KCNMA1: variants seen among roughly 807,000 people sequenced by gnomAD.
The protein encoded by KCNMA1 is Calcium-activated potassium channel subunit alpha-1.
In KCNMA1, 29 loss-of-function variants were observed where a neutral mutation model predicts 140.0. The observed-to-expected ratio is 0.21, with a 90% CI of 0.15 to 0.28. KCNMA1 has a LOEUF of 0.28. Among genes scored for constraint, KCNMA1 ranks in the 10% least tolerant of loss-of-function variants. The probability of loss-of-function intolerance (pLI) is 1.00; values close to 1 mark genes in which losing one functional copy is unlikely to be tolerated. For synonymous variants in KCNMA1, 612 were observed against 611.9 expected (o/e 1.00, Z 0.00); for missense variants, 880 against 1,602.2 (o/e 0.55, Z 7.70).
At chr10:77,216,213 C>T (rs1015038307) in intron 3 of KCNMA1, among the ~76,000 whole-genome samples, 1 of 151,992 alleles carries the variant, frequency 6.6e-6, no homozygotes, top group African/African-American at 2.4e-5. Flanking sequence ...GAATGATTGC[C>T]AATTGATATA....
intron 2 of KCNMA1, among the ~76,000 whole-genome samples, chr10:77,273,079 A>T (rs2065624441): frequency 6.6e-6 from 1 of 152,208 alleles, no homozygotes. Context: ...CTTTTCTCTG[A>T]TTTCAAAACC....
intron 22 of KCNMA1, among the ~76,000 whole-genome samples, chr10:76,948,161 C>A (rs2064911393): frequency 6.6e-6 from 1 of 151,990 alleles, no homozygotes; most frequent in African/African-American, 2.4e-5. Flanking sequence ...CACGCCACCA[C>A]ATCAGGCTAA....
intron 5 of KCNMA1, among the ~76,000 whole-genome samples, chr10:77,153,963 T>C (rs548383512): frequency 4.7e-4 from 72 of 152,292 alleles, no homozygotes; most frequent in African/African-American, 1.6e-3. Flanking sequence ...ACAGGTGATA[T>C]AGTTAGGCTC....
chr10:77,585,534 C>T (rs1320697268), intron 1 of KCNMA1, among the ~76,000 whole-genome samples: 1 of 152,148 alleles, frequency 6.6e-6, no homozygotes, highest in Non-Finnish European at 1.5e-5. Flanking sequence ...CATGGCAGGC[C>T]CTCAAGAAAT....
intron 1 of KCNMA1, among the ~76,000 whole-genome samples, chr10:77,500,203 T>C (rs562714668): frequency 7.9e-5 from 12 of 151,098 alleles, no homozygotes; most frequent in Non-Finnish European, 1.8e-4. Flanking sequence ...ATATTAGTTA[T>C]TACAATCAAA....
At chr10:77,456,276 A>C (rs2097761390) in intron 1 of KCNMA1, among the ~76,000 whole-genome samples, 1 of 152,162 alleles carries the variant, frequency 6.6e-6, no homozygotes, top group Non-Finnish European at 1.5e-5. Flanking sequence ...CCCATGTGGC[A>C]TACTTTCTCT....
intron 10 of KCNMA1, among the ~76,000 whole-genome samples, chr10:77,087,391 T>A (rs763527922): frequency 5.9e-5 from 9 of 152,194 alleles, no homozygotes; most frequent in Non-Finnish European, 1.2e-4. Flanking sequence ...TATATTGATA[T>A]ATATATTTCC....
intron 1 of KCNMA1, among the ~76,000 whole-genome samples, chr10:77,557,428 C>A (rs1003193992): frequency 1.3e-5 from 2 of 152,180 alleles, no homozygotes; most frequent in African/African-American, 4.8e-5. Flanking sequence ...AATATTTGCC[C>A]AACTGGGTTT....
intron 2 of KCNMA1, among the ~76,000 whole-genome samples, chr10:77,281,722 C>A (rs904330680): frequency 6.6e-6 from 1 of 152,218 alleles, no homozygotes; most frequent in Admixed American, 6.5e-5. Flanking sequence ...GAATGAACTA[C>A]TGATACCTGC....
Position 76,944,467 on chromosome 10 carries a change from C to T in KCNMA1, c.2902+306G>A, listed in dbSNP as rs549947459. Among the ~76,000 whole-genome samples, 19 of 152,292 alleles carry T rather than the reference C, an allele frequency of 1.2e-4. No individual in the cohort carries two copies. In the South Asian group the frequency reaches 3.9e-3, roughly 32 times the overall value. Reference sequence around the variant, plus strand: ...AGCCAGCTTCTTTTCAGTGCTCTGACATTTAGCTGATGACACTGGTCATGA... The same window carrying T: ...AGCCAGCTTCTTTTCAGTGCTCTGATATTTAGCTGATGACACTGGTCATGA... On this transcript the variant is annotated intron_variant, in intron 23 of 27. Coordinates refer to ENST00000286628, the MANE Select transcript of KCNMA1 (RefSeq NM_001161352.2).
intron 3 of KCNMA1, among the ~76,000 whole-genome samples, chr10:77,226,719 C>T (rs1351058360): frequency 6.6e-6 from 1 of 152,268 alleles, no homozygotes; most frequent in Non-Finnish European, 1.5e-5. Flanking sequence ...CTTTCCTTTG[C>T]CCAGCCCAGG....
chr10:77,303,537 T>C (rs2077003041), intron 2 of KCNMA1, among the ~76,000 whole-genome samples: 1 of 152,188 alleles, frequency 6.6e-6, no homozygotes. Context: ...GAAGAATGTT[T>C]CAGTAAATTT....
chr10:77,538,903 T>G lies in KCNMA1; in HGVS notation c.378+98362A>C, dbSNP rs77363945. ...GGAGTGGTTAGCACAGGGCTCAGCATGAAGGCTCTGCATAGTAACAGCTGC... is the reference window on the plus strand; with the variant it reads ...GGAGTGGTTAGCACAGGGCTCAGCAGGAAGGCTCTGCATAGTAACAGCTGC... On this transcript the variant is annotated intron_variant, in intron 1 of 27. Coordinates refer to ENST00000286628, the MANE Select transcript of KCNMA1 (RefSeq NM_001161352.2). Among the ~76,000 whole-genome samples, 836 of 152,318 alleles carry G rather than the reference T, an allele frequency of 5.5e-3. 7 individuals carry two copies. The highest frequency in any genetic ancestry group is 0.019 in the African/African-American group (788 of 41,576).
chr10:76,977,093 C>T (rs74934029), intron 19 of KCNMA1, among the ~76,000 whole-genome samples: 3 of 152,132 alleles, frequency 2.0e-5, no homozygotes, highest in African/African-American at 7.2e-5. Context: ...CTACTCCTGA[C>T]ACCAAAAGCC....
intron 25 of KCNMA1, among the ~76,000 whole-genome samples, chr10:76,908,885 C>T (rs2048886921): frequency 6.6e-6 from 1 of 152,238 alleles, no homozygotes; most frequent in Non-Finnish European, 1.5e-5. Flanking sequence ...CAGGTTATGA[C>T]TCATTCTAAA....
At chr10:77,167,741 T>A (rs1017174406) in intron 5 of KCNMA1, among the ~76,000 whole-genome samples, 1 of 151,598 alleles carries the variant, frequency 6.6e-6, no homozygotes, top group Non-Finnish European at 1.5e-5. Flanking sequence ...CAGGCTGGAG[T>A]GCAATGGCAT....
intron 1 of KCNMA1, among the ~76,000 whole-genome samples, chr10:77,449,818 A>G (rs1430358089): frequency 2.0e-5 from 3 of 151,156 alleles, no homozygotes; most frequent in African/African-American, 7.3e-5. Context: ...AATTTTTTGT[A>G]TTTTTAGTAG....
chr10:76,958,075 G>A (rs1202684497), intron 20 of KCNMA1, among the ~76,000 whole-genome samples: 1 of 152,172 alleles, frequency 6.6e-6, no homozygotes, highest in Admixed American at 6.5e-5. Flanking sequence ...GAAAGTCCAA[G>A]CATTTGCCAT....
At chr10:77,203,079 G>A (rs778634576) in intron 3 of KCNMA1, among the ~76,000 whole-genome samples, 12 of 152,156 alleles carry the variant, frequency 7.9e-5, no homozygotes, top group Non-Finnish European at 1.3e-4. Flanking sequence ...CAAGTGGCTT[G>A]GGCTTTTAAG....
Sources: allele counts gnomAD v4.1 joint callset (sites outside exome capture counted in the v4.1 genomes callset), GRCh38; gene constraint gnomAD v4.1.1; transcripts MANE v1.5; gene names NCBI Gene and HGNC (gene_info 2026-07-23, HGNC 2026-07-21).